LYZL4: variants seen among roughly 807,000 people sequenced by gnomAD.
LYZL4 encodes lysozyme like 4.
In LYZL4, 13 loss-of-function variants were observed where a neutral mutation model predicts 17.6. The ratio of observed to expected loss-of-function variants is 0.74; its 90% CI spans 0.48 to 1.18. The LOEUF (loss-of-function observed/expected upper bound fraction) is 1.18, where lower values mean the gene tolerates loss of function less well. Among genes scored for constraint, LYZL4 ranks in the 50% most tolerant of loss-of-function variants. LYZL4 has a pLI of 0.00. For synonymous variants in LYZL4, 64 were observed against 67.7 expected (o/e 0.95, Z 0.27); for missense variants, 174 against 188.2 (o/e 0.92, Z 0.44).
chr3:42,360,843 T>A, the LYZL4 span, among the ~76,000 whole-genome samples: 27 of 152,116 alleles, frequency 1.8e-4, no homozygotes, highest in Non-Finnish European at 3.2e-4. Flanking sequence ...GTATCAGAGA[T>A]GTCTGAATTT....
chr3:42,398,446 G>A (rs901766265), intron 4 of LYZL4, among the ~76,000 whole-genome samples: 3 of 152,006 alleles, frequency 2.0e-5, no homozygotes, highest in African/African-American at 4.8e-5. Flanking sequence ...CTGGAAACTC[G>A]GACCATATAT....
At chr3:42,381,376 C>T in the LYZL4 span, among the ~76,000 whole-genome samples, 11 of 152,066 alleles carry the variant, frequency 7.2e-5, no homozygotes, top group African/African-American at 2.7e-4. Flanking sequence ...CCCTGCCCCC[C>T]AGGAATGAAC....
chr3:42,366,103 C>T, the LYZL4 span, among the ~76,000 whole-genome samples: 1 of 151,898 alleles, frequency 6.6e-6, no homozygotes, highest in African/African-American at 2.4e-5. Flanking sequence ...ACTTCTCTCT[C>T]CCCAGGCCAC....
chr3:42,368,809 A>T, the LYZL4 span, among the ~76,000 whole-genome samples: 6,201 of 152,254 alleles, frequency 0.041, 204 homozygotes, highest in Middle Eastern at 0.11. Flanking sequence ...ATTATCATTT[A>T]AAAAAATACT....
At chr3:42,400,848 G>T (rs957927127) in intron 4 of LYZL4, among the ~76,000 whole-genome samples, 1 of 152,166 alleles carries the variant, frequency 6.6e-6, no homozygotes, top group Non-Finnish European at 1.5e-5. Context: ...GTGTAGGCCT[G>T]CCATCATAAA....
At chr3:42,374,871 G>A in the LYZL4 span, among the ~76,000 whole-genome samples, 1 of 152,082 alleles carries the variant, frequency 6.6e-6, no homozygotes, top group African/African-American at 2.4e-5. Context: ...TGCCCAGGCT[G>A]GAGTGCAGTG....
chr3:42,379,871 G>C, the LYZL4 span, among the ~76,000 whole-genome samples: 1 of 152,166 alleles, frequency 6.6e-6, no homozygotes, highest in Non-Finnish European at 1.5e-5. Context: ...TTAGCTCATG[G>C]GGGTAGGACC....
At chr3:42,397,757 T>C (rs904356376) in intron 4 of LYZL4, among the ~76,000 whole-genome samples, 2 of 152,202 alleles carry the variant, frequency 1.3e-5, no homozygotes, top group Non-Finnish European at 2.9e-5. Flanking sequence ...CTTTGTCCCC[T>C]GGGCCAGGGC....
At chr3:42,366,599 C>T in the LYZL4 span, among the ~76,000 whole-genome samples, 5 of 152,316 alleles carry the variant, frequency 3.3e-5, no homozygotes, top group East Asian at 1.9e-4. Context: ...TCACACCAAA[C>T]GATCCCCTCC....
the LYZL4 span, among the ~76,000 whole-genome samples, chr3:42,369,413 T>C: frequency 0.17 from 26,369 of 152,278 alleles, 5,972 homozygotes; most frequent in African/African-American, 0.52. Context: ...TCATTTCTGC[T>C]TTAGCTGCCT....
intron 4 of LYZL4, among the ~76,000 whole-genome samples, chr3:42,399,504 C>T (rs562759119): frequency 7.2e-5 from 11 of 152,216 alleles, no homozygotes; most frequent in Admixed American, 1.3e-4. Flanking sequence ...GCTGTTACAG[C>T]GATGGCAGAG....
chr3:42,393,238 C>T (rs1698510964), downstream of LYZL4, among the ~76,000 whole-genome samples: 1 of 152,160 alleles, frequency 6.6e-6, no homozygotes, highest in African/African-American at 2.4e-5. Flanking sequence ...TCGTGGAAAG[C>T]AGTGTCCTGA....
chr3:42,374,624 G>A, the LYZL4 span, among the ~76,000 whole-genome samples: 1 of 152,078 alleles, frequency 6.6e-6, no homozygotes, highest in Admixed American at 6.5e-5. Flanking sequence ...AAAAATTACA[G>A]AATCAACAAC....
At chr3:42,371,868 A>G in the LYZL4 span, among the ~76,000 whole-genome samples, 1 of 152,196 alleles carries the variant, frequency 6.6e-6, no homozygotes, top group African/African-American at 2.4e-5. Flanking sequence ...ATGGCAAAAC[A>G]GACTAGAGAG....
chr3:42,371,932 G>A, the LYZL4 span, among the ~76,000 whole-genome samples: 33 of 152,294 alleles, frequency 2.2e-4, no homozygotes, highest in East Asian at 4.6e-3. Context: ...TTAATAGGGC[G>A]GGCATCACCG....
chr3:42,370,682 C>G, the LYZL4 span, among the ~76,000 whole-genome samples: 1 of 152,228 alleles, frequency 6.6e-6, no homozygotes, highest in African/African-American at 2.4e-5. Flanking sequence ...TTCTACATGT[C>G]CCGATACTTG....
chr3:42,380,821 C>T, the LYZL4 span, among the ~76,000 whole-genome samples: 43 of 152,330 alleles, frequency 2.8e-4, no homozygotes, highest in Middle Eastern at 6.8e-3. Flanking sequence ...CTTCCTTGCT[C>T]CACCAATGTG....
intron 4 of LYZL4, among the ~76,000 whole-genome samples, chr3:42,403,300 C>T (rs996262299): frequency 1.3e-5 from 2 of 151,472 alleles, no homozygotes; most frequent in Non-Finnish European, 2.9e-5. Flanking sequence ...CACTCTTTTG[C>T]CCAGGCTGGA....
chr3:42,387,758 A>G, the LYZL4 span, among the ~76,000 whole-genome samples: 2 of 152,122 alleles, frequency 1.3e-5, no homozygotes. Flanking sequence ...ATTCAGCAAC[A>G]TGGATCATCT....
Sources: allele counts gnomAD v4.1 joint callset (sites outside exome capture counted in the v4.1 genomes callset), GRCh38; gene constraint gnomAD v4.1.1; transcripts MANE v1.5; gene names NCBI Gene and HGNC (gene_info 2026-07-23, HGNC 2026-07-21).